SHROOM4: variants seen among roughly 807,000 people sequenced by gnomAD.
The protein encoded by SHROOM4 is protein Shroom4.
A neutral mutation model predicts 80.3 loss-of-function variants in SHROOM4; 17 were observed. The ratio of observed to expected loss-of-function variants is 0.21; its 90% CI spans 0.14 to 0.32. SHROOM4 has a LOEUF of 0.32. Among genes scored for constraint, SHROOM4 ranks in the 10% least tolerant of loss-of-function variants. SHROOM4 has a pLI of 1.00. For missense variants in SHROOM4, 993 were observed against 1,140.3 expected, an observed-to-expected ratio of 0.87 and a Z score of 1.86; for synonymous variants, 400 against 437.5, an observed-to-expected ratio of 0.91 and a Z score of 1.07.
intron 4 of SHROOM4, 87 bp from the exon 5 acceptor site, chrX:50,627,762 G>A (rs1178672460): frequency 2.6e-6 from 2 of 765,468 alleles, no homozygotes; most frequent in Middle Eastern, 3.4e-4. Flanking sequence ...TCAGGAGCCG[G>A]TGTCTGGCCC....
intron 1 of SHROOM4, among the ~76,000 whole-genome samples, chrX:50,701,504 T>C (rs1235920382): frequency 8.9e-6 from 1 of 111,862 alleles, no homozygotes; most frequent in African/African-American, 3.2e-5. Context: ...TATCAGTGTT[T>C]GTGGCAAATG....
intron 8 of SHROOM4, 76 bp from the exon 9 acceptor site, chrX:50,597,040 C>G: frequency 9.2e-7 from 1 of 1,091,773 alleles, no homozygotes; most frequent in Non-Finnish European, 1.2e-6. Context: ...TAGCAGTACT[C>G]CACCAGAGAT....
chrX:50,801,778 C>G (rs1936128130), intron 1 of SHROOM4, among the ~76,000 whole-genome samples: 1 of 111,952 alleles, frequency 8.9e-6, no homozygotes, highest in Admixed American at 9.5e-5. Flanking sequence ...CAATCTTTTA[C>G]ACAAAAATCT....
chrX:50,795,105 TA>T (rs1935956614), intron 1 of SHROOM4, among the ~76,000 whole-genome samples: 2 of 51,008 alleles, frequency 3.9e-5, no homozygotes, highest in Admixed American at 2.6e-4. Context: ...ATATATGATA[TA>T]TATATATGAT....
chrX:50,801,261 G>GGAGAGAGAGAAA (rs1936113170), intron 1 of SHROOM4, among the ~76,000 whole-genome samples: 1 of 81,530 alleles, frequency 1.2e-5, no homozygotes, highest in African/African-American at 4.7e-5. Flanking sequence ...GAGAGAAAGA[G>GGAGAGAGAGAAA]GAGAGAGAGA....
At chrX:50,771,599 T>C (rs1478440478) in intron 1 of SHROOM4, among the ~76,000 whole-genome samples, 2 of 112,300 alleles carry the variant, frequency 1.8e-5, no homozygotes, top group African/African-American at 6.5e-5. Context: ...ACAGTTGCAA[T>C]GCAATAACTC....
intron 1 of SHROOM4, among the ~76,000 whole-genome samples, chrX:50,720,427 A>G (rs782369210): frequency 1.8e-5 from 2 of 112,250 alleles, no homozygotes; most frequent in Non-Finnish European, 3.8e-5. Context: ...AGAGTCCCCA[A>G]CTGAGAGTAA....
rs949968155 is a variant in SHROOM4, at chrX:50,717,363, G to A, written c.118-21426C>T. 8.1e-5 allele frequency among the ~76,000 whole-genome samples: 9 copies of A among 111,508 alleles called. No individual in the cohort carries two copies. The East Asian group carries it at 8.5e-4, about 11-fold the overall frequency. On this transcript the variant is annotated intron_variant, in intron 1 of 8. Coordinates refer to ENST00000376020, the MANE Select transcript of SHROOM4 (RefSeq NM_020717.5). Reference sequence around the variant, plus strand: ...CTCCCCAGTAGCTGGGACTACAGGCGACCGCCACCACACCCAGCTAAATTT... The same window carrying A: ...CTCCCCAGTAGCTGGGACTACAGGCAACCGCCACCACACCCAGCTAAATTT...
chrX:50,791,472 A>G (rs1356893818), intron 1 of SHROOM4, among the ~76,000 whole-genome samples: 3 of 108,410 alleles, frequency 2.8e-5, no homozygotes, highest in African/African-American at 6.7e-5. Flanking sequence ...GGAGTACAGT[A>G]GCATGATCAA....
intron 2 of SHROOM4, among the ~76,000 whole-genome samples, chrX:50,649,965 T>C (rs782530891): frequency 4.4e-5 from 5 of 112,464 alleles, no homozygotes; most frequent in Non-Finnish European, 9.4e-5. Context: ...TTATTCATAA[T>C]GGTAAAATTT....
At position 50,781,633 on chromosome X, in the gene SHROOM4, A is replaced by G. The variant is rs1427708615; in HGVS notation, c.117+32269T>C. ...CTATCAGCTCCGAACAAGGAAAGAG[A>G]TATGAAAGTCACTGTAGACTGTTTC... is the stretch of plus-strand genomic sequence containing the variant. On this transcript the variant is annotated intron_variant, in intron 1 of 8. Transcript: ENST00000376020. Among the ~76,000 whole-genome samples the G allele has an allele frequency of 1.9e-4, 21 of 110,830 alleles. No individual in the cohort carries two copies. The Admixed American group carries it at 2.0e-3, about 11-fold the overall frequency.
intron 1 of SHROOM4, among the ~76,000 whole-genome samples, chrX:50,724,424 C>A (rs2147524544): frequency 8.9e-6 from 1 of 112,577 alleles, no homozygotes; most frequent in South Asian, 3.6e-4. Context: ...TTTCCTATAA[C>A]AGCAGTAGAA....
intron 7 of SHROOM4, 131 bp downstream of exon 7, chrX:50,602,502 A>G: frequency 1.6e-6 from 1 of 629,536 alleles, no homozygotes; most frequent in East Asian, 3.3e-5. Flanking sequence ...AGAAATCCAG[A>G]GAGGCTGTAT....
intron 1 of SHROOM4, among the ~76,000 whole-genome samples, chrX:50,764,657 T>C (rs150345685): frequency 0.034 from 3,778 of 111,627 alleles, 163 homozygotes; most frequent in African/African-American, 0.12. Flanking sequence ...CTTTAAATAG[T>C]TGTTTTCAAT....
At chrX:50,659,169 G>T (rs1557259752) in intron 2 of SHROOM4, among the ~76,000 whole-genome samples, 1 of 111,572 alleles carries the variant, frequency 9.0e-6, no homozygotes, top group Non-Finnish European at 1.9e-5. Context: ...GAGAAGTGGT[G>T]AACAGTAAGG....
At chrX:50,804,320 T>G (rs893275423) in intron 1 of SHROOM4, among the ~76,000 whole-genome samples, 1 of 111,885 alleles carries the variant, frequency 8.9e-6, no homozygotes, top group Admixed American at 9.5e-5. Context: ...AACTTTAGGC[T>G]TTCTGAATAC....
At chrX:50,638,386 C>G (rs782073898) in intron 2 of SHROOM4, 78 bp from the exon 3 acceptor site, 1 of 1,138,057 alleles carries the variant, frequency 8.8e-7, no homozygotes, top group South Asian at 1.9e-5. Flanking sequence ...CCGCCCCACC[C>G]CCTCTTTTCC....
chrX:50,628,755 C>G (rs1312993609), intron 4 of SHROOM4, among the ~76,000 whole-genome samples: 4 of 112,005 alleles, frequency 3.6e-5, no homozygotes, highest in African/African-American at 1.3e-4. Flanking sequence ...AGTTTCCTAT[C>G]TGGGTGACCA....
At position 50,633,549 on chromosome X, in the gene SHROOM4, G is replaced by T. The variant is rs782024018; in HGVS notation, c.2524C>A (p.Gln842Lys). 8.3e-7 allele frequency: 1 copy of T among 1,211,638 alleles called. No homozygotes were observed. Among genetic ancestry groups the T allele is most frequent in the Admixed American group, 2.2e-5 (1 of 46,039 alleles). ...AGGGGTGACATGGAATGATATGATTGGTCTGTGGCATGATATGGTTGGTCT... is the reference window on the plus strand; with the variant it reads ...AGGGGTGACATGGAATGATATGATTTGTCTGTGGCATGATATGGTTGGTCT... ...SADQPYHATDQSYHSMSPLQS... is the reference protein window; with the variant it reads ...SADQPYHATDKSYHSMSPLQS... Residue 842 changes from glutamine (Q) to lysine (K), a missense_variant, in exon 4 of 9, where the codon CAA (glutamine) becomes AAA (lysine). Coordinates refer to ENST00000376020, the MANE Select transcript of SHROOM4 (RefSeq NM_020717.5).
Sources: allele counts gnomAD v4.1 joint callset (sites outside exome capture counted in the v4.1 genomes callset), GRCh38; gene constraint gnomAD v4.1.1; transcripts MANE v1.5; gene names NCBI Gene and HGNC (gene_info 2026-07-23, HGNC 2026-07-21).